The following DOK5 variants were observed in gnomAD, a reference collection of about 807,000 sequenced individuals.
DOK5 encodes the protein docking protein 5.
A neutral mutation model predicts 43.3 loss-of-function variants in DOK5; 27 were observed. That is an observed-to-expected ratio of 0.62 (90% confidence interval 0.46 to 0.86). DOK5 has a LOEUF of 0.86. Ranked by LOEUF, DOK5 falls within the 40% of genes least tolerant of loss-of-function variation. DOK5 has a pLI of 0.00. For missense variants in DOK5, 373 were observed against 392.9 expected, an observed-to-expected ratio of 0.95 and a Z score of 0.43; for synonymous variants, 146 against 140.1, an observed-to-expected ratio of 1.04 and a Z score of -0.30.
chr20:54,528,952 A>T (rs1600682445), intron 1 of DOK5, among the ~76,000 whole-genome samples: 1 of 152,202 alleles, frequency 6.6e-6, no homozygotes, highest in African/African-American at 2.4e-5. Flanking sequence ...AGAAAAGATG[A>T]TTCTCTATCT....
chr20:54,634,676 C>T lies in DOK5; in HGVS notation c.736-8782C>T, dbSNP rs191643742. Reference sequence around the variant, plus strand: ...CAGGATGGTCTCGATCTCCTGACCTCGTGATCCTCCTGCCTCGGCCTCCCA... The same window carrying T: ...CAGGATGGTCTCGATCTCCTGACCTTGTGATCCTCCTGCCTCGGCCTCCCA... On this transcript the variant is annotated intron_variant, in intron 6 of 7. Coordinates refer to ENST00000262593, the MANE Select transcript of DOK5 (RefSeq NM_018431.5). Among the ~76,000 whole-genome samples, 139 of 151,732 alleles carry T rather than the reference C, an allele frequency of 9.2e-4. No homozygotes were observed. In the East Asian group the frequency reaches 0.022, roughly 24 times the overall value.
At chr20:54,616,498 C>T (rs1041029672) in intron 6 of DOK5, among the ~76,000 whole-genome samples, 5 of 152,222 alleles carry the variant, frequency 3.3e-5, no homozygotes, top group African/African-American at 1.2e-4. Flanking sequence ...TGTCTGTCCT[C>T]ACACATCTTT....
intron 2 of DOK5, among the ~76,000 whole-genome samples, chr20:54,584,774 TACACAC>T (rs139033675): frequency 9.3e-4 from 136 of 146,640 alleles, no homozygotes; most frequent in Admixed American, 8.1e-3. Flanking sequence ...TATCTAGATA[TACACAC>T]ACACACACAC....
chr20:54,612,358 A>G (rs1158843392), intron 6 of DOK5, among the ~76,000 whole-genome samples: 2 of 152,112 alleles, frequency 1.3e-5, no homozygotes, highest in Non-Finnish European at 2.9e-5. Flanking sequence ...CATGCTGAGG[A>G]GGCCTGGAAT....
intron 2 of DOK5, among the ~76,000 whole-genome samples, chr20:54,560,211 C>T (rs909574784): frequency 6.6e-6 from 1 of 152,188 alleles, no homozygotes; most frequent in Non-Finnish European, 1.5e-5. Context: ...TCTTCCGATA[C>T]AGCTGTCTAT....
At chr20:54,634,411 C>A (rs1431902047) in intron 6 of DOK5, among the ~76,000 whole-genome samples, 1 of 150,198 alleles carries the variant, frequency 6.7e-6, no homozygotes, top group Non-Finnish European at 1.5e-5. Context: ...CCAGAAGTAG[C>A]CACTCAACTA....
chr20:54,512,287 G>A (rs936097206), intron 1 of DOK5, among the ~76,000 whole-genome samples: 5 of 152,208 alleles, frequency 3.3e-5, no homozygotes, highest in African/African-American at 1.2e-4. Context: ...AGGGAAAAGA[G>A]CCATCCATAA....
At chr20:54,557,459 A>G (rs1984742992) in intron 2 of DOK5, among the ~76,000 whole-genome samples, 1 of 152,162 alleles carries the variant, frequency 6.6e-6, no homozygotes, top group Admixed American at 6.5e-5. Context: ...TCTGCGGTGT[A>G]GCCGGGTTCC....
At chr20:54,517,581 A>C (rs1438927057) in intron 1 of DOK5, among the ~76,000 whole-genome samples, 1 of 152,156 alleles carries the variant, frequency 6.6e-6, no homozygotes, top group African/African-American at 2.4e-5. Flanking sequence ...TAGGCTTTAT[A>C]ATAACGATGA....
chr20:54,488,965 C>T (rs1371555509), intron 1 of DOK5, among the ~76,000 whole-genome samples: 1 of 152,032 alleles, frequency 6.6e-6, no homozygotes, highest in Non-Finnish European at 1.5e-5. Flanking sequence ...TTAGTAAATT[C>T]TCAATATTTG....
intron 6 of DOK5, among the ~76,000 whole-genome samples, chr20:54,627,116 TATAAGA>T (rs1349138811): frequency 2.6e-5 from 4 of 152,158 alleles, no homozygotes; most frequent in Admixed American, 2.0e-4. Context: ...TAAACGTACG[TATAAGA>T]ATATCAGATT....
intron 5 of DOK5, among the ~76,000 whole-genome samples, chr20:54,608,486 T>C (rs1276267302): frequency 1.3e-5 from 2 of 152,168 alleles, no homozygotes; most frequent in Non-Finnish European, 2.9e-5. Flanking sequence ...GGTTTAAGTA[T>C]TTTAAGATGT....
At chr20:54,488,898 T>G (rs1294336874) in intron 1 of DOK5, among the ~76,000 whole-genome samples, 1 of 152,088 alleles carries the variant, frequency 6.6e-6, no homozygotes, top group African/African-American at 2.4e-5. Context: ...CAGTAAGTTC[T>G]CTGAGGCCAG....
intron 7 of DOK5, among the ~76,000 whole-genome samples, chr20:54,646,169 ACT>A (rs762065427): frequency 1.3e-4 from 19 of 143,354 alleles, no homozygotes; most frequent in Non-Finnish European, 2.7e-4. Flanking sequence ...ACTCGATTTT[ACT>A]CTCTTCTATT....
At chr20:54,503,857 G>A (rs1255149567) in intron 1 of DOK5, among the ~76,000 whole-genome samples, 1 of 152,166 alleles carries the variant, frequency 6.6e-6, no homozygotes, top group African/African-American at 2.4e-5. Flanking sequence ...ACAAACTGCA[G>A]CCTATGAAGA....
chr20:54,538,413 A>G (rs775657088), intron 1 of DOK5, among the ~76,000 whole-genome samples: 21 of 152,188 alleles, frequency 1.4e-4, no homozygotes, highest in Non-Finnish European at 3.1e-4. Flanking sequence ...ACACTGTCAG[A>G]TGAAAGAAAA....
chr20:54,487,272 CTT>C (rs749083357), intron 1 of DOK5, among the ~76,000 whole-genome samples: 13 of 152,140 alleles, frequency 8.5e-5, no homozygotes, highest in Non-Finnish European at 1.3e-4. Context: ...ACTACTAGGT[CTT>C]TTCCTAGAGA....
At chr20:54,583,707 C>T (rs1985707743) in intron 2 of DOK5, among the ~76,000 whole-genome samples, 1 of 152,086 alleles carries the variant, frequency 6.6e-6, no homozygotes, top group Non-Finnish European at 1.5e-5. Context: ...CACCCCTACT[C>T]TTCTTTTGAC....
intron 1 of DOK5, among the ~76,000 whole-genome samples, chr20:54,492,168 A>G (rs1007787789): frequency 2.0e-5 from 3 of 152,134 alleles, no homozygotes; most frequent in African/African-American, 7.2e-5. Flanking sequence ...GGATAGAATG[A>G]AGAGAAAAAT....
Sources: gnomAD v4.1 joint callset for allele counts (sites outside exome capture counted in the v4.1 genomes callset) on GRCh38, gnomAD v4.1.1 for gene constraint, MANE v1.5 for transcripts, NCBI Gene and HGNC (gene_info 2026-07-23, HGNC 2026-07-21) for gene names.